Variants in CELF2 observed in about 807,000 individuals in gnomAD.
CELF2 encodes the protein CUG triplet repeat RNA-binding protein 2.
A neutral mutation model predicts 62.6 loss-of-function variants in CELF2; 8 were observed. The observed-to-expected ratio is 0.13, with a 90% CI of 0.07 to 0.23. The LOEUF (loss-of-function observed/expected upper bound fraction) is 0.23. CELF2 is among the 10% of genes least tolerant of loss of function. The probability of loss-of-function intolerance (pLI) is 1.00; values close to 1 mark genes in which losing one functional copy is unlikely to be tolerated. For synonymous variants in CELF2, 258 were observed against 250.0 expected, an observed-to-expected ratio of 1.03 and a Z score of -0.30; for missense variants, 333 against 671.0, an observed-to-expected ratio of 0.50 and a Z score of 5.56.
At position 10,997,826 on chromosome 10, in the gene CELF2, C is replaced by T. The variant is rs557699302; in HGVS notation, c.89+77827C>T. Among the ~76,000 whole-genome samples, 88 of 152,188 alleles carry T rather than the reference C, an allele frequency of 5.8e-4. 1 individual carries two copies. Among genetic ancestry groups the T allele is most frequent in the Admixed American group, 2.0e-4 (3 of 15,276 alleles). Reference sequence around the variant, plus strand: ...ACTGCCCTTCCTTCCTGTCTCGAGACTCTTCCAAGTTCTGAGTCCATGCTT... The same window carrying T: ...ACTGCCCTTCCTTCCTGTCTCGAGATTCTTCCAAGTTCTGAGTCCATGCTT... On this transcript the variant is annotated intron_variant, in intron 2 of 13. Coordinates refer to the CELF2 transcript ENST00000636488. This position sits in a 1 kb window ranked among gnomAD's most constrained non-coding sequence, Gnocchi z 5.3.
rs1402924376 is a variant in CELF2, at chr10:11,098,852, G to A, written c.75-66634G>A. Among the ~76,000 whole-genome samples, 2 of 152,292 alleles carry A rather than the reference G, an allele frequency of 1.3e-5. No homozygotes were observed. Among genetic ancestry groups the A allele is most frequent in the South Asian group, 2.1e-4 (1 of 4,824 alleles). On this transcript the variant is annotated intron_variant, in intron 1 of 12. Coordinates refer to ENST00000633077, the MANE Select transcript of CELF2 (RefSeq NM_001326342.2). The surrounding 1 kb of genome is among the most constrained non-coding windows in gnomAD (Gnocchi z 4.0). ...GGTGATAATTCTACCTGGGCAGCAG[G>A]CCACGCGTGAGAGCAGCTTCCCCGA...
chr10:11,245,118 A>G (rs1361204578), intron 3 of CELF2, among the ~76,000 whole-genome samples: 1 of 152,246 alleles, frequency 6.6e-6, no homozygotes, highest in Non-Finnish European at 1.5e-5. Context: ...TACTGGGTCA[A>G]ATCATTGAAA....
At chr10:10,873,182 G>A (rs543271686) in intron 1 of CELF2, among the ~76,000 whole-genome samples, 1 of 152,130 alleles carries the variant, frequency 6.6e-6, no homozygotes, top group Admixed American at 6.5e-5. Context: ...GGGAGAGAGT[G>A]CATAAAACTT....
At chr10:10,551,209 A>T in the CELF2 span, among the ~76,000 whole-genome samples, 1 of 152,158 alleles carries the variant, frequency 6.6e-6, no homozygotes, top group Admixed American at 6.5e-5. Context: ...AGTGTTGTTC[A>T]AGGGTCAACT....
At chr10:10,739,692 C>T in the CELF2 span, among the ~76,000 whole-genome samples, 19 of 152,166 alleles carry the variant, frequency 1.2e-4, no homozygotes, top group Admixed American at 2.0e-4. Flanking sequence ...AAGCATTTAG[C>T]TCTTATGTCT....
At chr10:10,651,569 C>T in the CELF2 span, among the ~76,000 whole-genome samples, 10 of 136,954 alleles carry the variant, frequency 7.3e-5, no homozygotes, top group African/African-American at 1.9e-4. Context: ...GACCCCTGAC[C>T]CCCGAGCAGC....
In CELF2 at chr10:11,319,325, A is replaced by G. The variant is rs1482432903; in HGVS notation, c.1097-1864A>G. 1 of 353,830 alleles carries G rather than the reference A, an allele frequency of 2.8e-6. No homozygotes were observed. The highest frequency in any genetic ancestry group is 2.1e-5 in the African/African-American group (1 of 46,632). 21.9% of individuals were successfully genotyped at this position (353,830 alleles called of 1,614,324 possible). A position where few individuals can be genotyped will look rare whatever the true frequency, so the allele number is the denominator to read the frequency against. The stretch of plus-strand genomic sequence containing the variant: ...ACGGAAGTTCCTTTGCATCACACAA[A>G]TAGTGGGAGGTGAGGATGAAGTAAG... On this transcript the variant is annotated intron_variant, in intron 10 of 12. Transcript: ENST00000633077. This position sits in a 1 kb window ranked among gnomAD's most constrained non-coding sequence, Gnocchi z 4.4.
chr10:10,682,864 T>C, the CELF2 span, among the ~76,000 whole-genome samples: 11 of 152,288 alleles, frequency 7.2e-5, no homozygotes, highest in East Asian at 1.9e-3. Flanking sequence ...TGAGTAACAG[T>C]ATTAGGAGAC....
intron 1 of CELF2, among the ~76,000 whole-genome samples, chr10:11,131,967 T>C (rs1320281405): frequency 6.6e-6 from 1 of 152,174 alleles, no homozygotes; most frequent in Non-Finnish European, 1.5e-5. Flanking sequence ...GGATATTGAG[T>C]TTTAAGTCCT....
At chr10:10,655,722 C>T in the CELF2 span, among the ~76,000 whole-genome samples, 11 of 129,950 alleles carry the variant, frequency 8.5e-5, no homozygotes, top group Non-Finnish European at 1.4e-4. Context: ...AAAATCAATT[C>T]AAGATGGATT....
chr10:11,289,042 C>T (rs746896786), intron 9 of CELF2, among the ~76,000 whole-genome samples: 15 of 152,304 alleles, frequency 9.8e-5, no homozygotes, highest in Admixed American at 2.0e-4. Flanking sequence ...TCTGGTCAGG[C>T]TCTGGGGTGT....
chr10:11,116,919 T>A (rs1350403158), intron 1 of CELF2, among the ~76,000 whole-genome samples: 1 of 152,212 alleles, frequency 6.6e-6, no homozygotes, highest in Non-Finnish European at 1.5e-5. Flanking sequence ...ACAGATACTA[T>A]TATATTTAAT....
the CELF2 span, among the ~76,000 whole-genome samples, chr10:10,745,086 C>T: frequency 1.0e-4 from 15 of 148,066 alleles, no homozygotes; most frequent in Non-Finnish European, 1.3e-4. Context: ...ACGTGGCTGC[C>T]GTCAAATCCA....
chr10:11,087,451 G>A (rs1206381885), intron 1 of CELF2, among the ~76,000 whole-genome samples: 2 of 152,208 alleles, frequency 1.3e-5, no homozygotes, highest in East Asian at 3.8e-4. Context: ...AATTGCCCAG[G>A]TGAAGGGAAG....
intron 1 of CELF2, among the ~76,000 whole-genome samples, chr10:11,055,246 T>G (rs909654780): frequency 6.6e-6 from 1 of 152,214 alleles, no homozygotes; most frequent in Admixed American, 6.5e-5. Flanking sequence ...CAAATACACA[T>G]TAACACAAAG....
At chr10:10,807,625 A>G (rs982720983) in intron 1 of CELF2, among the ~76,000 whole-genome samples, 4 of 152,224 alleles carry the variant, frequency 2.6e-5, no homozygotes, top group Admixed American at 6.5e-5. Context: ...TTACAAAAGT[A>G]TAATTTAGTA....
chr10:11,083,856 G>GT (rs1465506170), intron 1 of CELF2, among the ~76,000 whole-genome samples: 2 of 152,202 alleles, frequency 1.3e-5, no homozygotes, highest in Non-Finnish European at 2.9e-5. Context: ...ATCAGAAAGT[G>GT]TACGGAGAGG....
intron 1 of CELF2, among the ~76,000 whole-genome samples, chr10:10,844,425 C>T (rs2058882428): frequency 6.6e-6 from 1 of 151,932 alleles, no homozygotes; most frequent in Non-Finnish European, 1.5e-5. Context: ...TCTCCTGGAA[C>T]AAAATCTTAA....
the CELF2 span, among the ~76,000 whole-genome samples, chr10:10,508,034 G>A: frequency 1.2e-4 from 19 of 152,124 alleles, no homozygotes; most frequent in Non-Finnish European, 1.9e-4. Flanking sequence ...TAAGGTACCA[G>A]AGGAAAGAGC....
Sources: gnomAD v4.1 joint callset for allele counts (sites outside exome capture counted in the v4.1 genomes callset) on GRCh38, gnomAD v4.1.1 for gene constraint, Gnocchi (gnomAD v3.1) non-coding constraint, MANE v1.5 for transcripts, NCBI Gene and HGNC (gene_info 2026-07-23, HGNC 2026-07-21) for gene names.